Variants in MAL2 observed in about 807,000 individuals in gnomAD.
MAL2 encodes the protein protein MAL2.
In MAL2, 17 loss-of-function variants were observed where a neutral mutation model predicts 18.1. The observed-to-expected ratio is 0.94, with a 90% CI of 0.64 to 1.41. The LOEUF (loss-of-function observed/expected upper bound fraction) is 1.41, where lower values mean the gene tolerates loss of function less well. Ranked by LOEUF, MAL2 falls within the 40% of genes most tolerant of loss-of-function variation. The pLI is 0.00. For missense variants in MAL2, 222 were observed against 231.9 expected, an observed-to-expected ratio of 0.96 and a Z score of 0.28; for synonymous variants, 102 against 102.3, an observed-to-expected ratio of 1.00 and a Z score of 0.02.
chr8:119,226,624 TG>T (rs1817601709), intron 2 of MAL2, among the ~76,000 whole-genome samples: 1 of 31,670 alleles, frequency 3.2e-5, no homozygotes, highest in Non-Finnish European at 1.4e-4. Flanking sequence ...CAAGAGCACA[TG>T]AAGGCAATTA....
At chr8:119,216,367 A>G (rs1817355183) in intron 1 of MAL2, among the ~76,000 whole-genome samples, 1 of 152,230 alleles carries the variant, frequency 6.6e-6, no homozygotes, top group Non-Finnish European at 1.5e-5. Context: ...TTTCAGGTCT[A>G]ACACTTATTA....
intron 1 of MAL2, chr8:119,209,310 T>G (rs1384024819): frequency 6.6e-6 from 1 of 152,414 alleles, no homozygotes; most frequent in East Asian, 1.9e-4. Context: ...CTTTGCACCT[T>G]CTCACTTCCT....
intron 2 of MAL2, among the ~76,000 whole-genome samples, chr8:119,231,255 C>G (rs538221280): frequency 1.2e-3 from 189 of 152,186 alleles, no homozygotes; most frequent in African/African-American, 4.3e-3. Context: ...GATGGTCTCT[C>G]TCTCCTGACC....
intron 2 of MAL2, among the ~76,000 whole-genome samples, chr8:119,232,042 C>CTAAAAAATATTT (rs1256118078): frequency 6.6e-6 from 1 of 151,784 alleles, no homozygotes; most frequent in Non-Finnish European, 1.5e-5. Flanking sequence ...TTGAAAAATG[C>CTAAAAAATATTT]TAAAAAATAT....
chr8:119,238,208 A>G (rs1488754443), intron 2 of MAL2, among the ~76,000 whole-genome samples: 2 of 152,208 alleles, frequency 1.3e-5, no homozygotes, highest in African/African-American at 2.4e-5. Flanking sequence ...AGAATAAAAT[A>G]CCTAGGAATC....
At chr8:119,238,210 C>A (rs1817956382) in intron 2 of MAL2, among the ~76,000 whole-genome samples, 1 of 152,058 alleles carries the variant, frequency 6.6e-6, no homozygotes, top group South Asian at 2.1e-4. Context: ...AATAAAATAC[C>A]TAGGAATCCA....
At chr8:119,243,260 AATC>A (rs1818083198) in intron 3 of MAL2, among the ~76,000 whole-genome samples, 154 bp from the exon 4 acceptor site, 3 of 143,734 alleles carry the variant, frequency 2.1e-5, no homozygotes, top group Admixed American at 2.0e-4. Flanking sequence ...CAGTTGTACA[AATC>A]ATCAAAAAAA....
At chr8:119,213,406 G>T (rs1308743718) in intron 1 of MAL2, among the ~76,000 whole-genome samples, 1 of 152,160 alleles carries the variant, frequency 6.6e-6, no homozygotes, top group Non-Finnish European at 1.5e-5. Context: ...AAGGGACATT[G>T]CTTATTTGCA....
intron 2 of MAL2, among the ~76,000 whole-genome samples, chr8:119,222,697 G>T (rs1179535404): frequency 1.3e-5 from 2 of 151,484 alleles, no homozygotes; most frequent in African/African-American, 4.8e-5. Flanking sequence ...ACATGGTGTT[G>T]CACTCCTGTA....
intron 3 of MAL2, among the ~76,000 whole-genome samples, chr8:119,240,575 C>A (rs1818027132): frequency 6.6e-6 from 1 of 152,200 alleles, no homozygotes; most frequent in African/African-American, 2.4e-5. Context: ...GACTGCTTGG[C>A]TTTGCACAGC....
rs1401630787 is a variant in MAL2, at chr8:119,245,607, T to C, written c.*2119T>C. On this transcript the variant is annotated 3_prime_UTR_variant, in exon 4 of 4. Transcript: ENST00000614891. ...AGTGTTGGTTGGTTTTAAAATCTGG[T>C]AACTCCATGATGAAAAGAAATTTAT... The C allele has an allele frequency of 6.6e-6, 1 of 152,444 alleles. No homozygotes were observed. 9.4% of individuals were successfully genotyped at this position (152,444 alleles called of 1,614,324 possible).
chr8:119,212,001 C>A (rs1041428484), intron 1 of MAL2, among the ~76,000 whole-genome samples: 1 of 152,092 alleles, frequency 6.6e-6, no homozygotes, highest in African/African-American at 2.4e-5. Context: ...ATGTTTAAAC[C>A]CTTCCTCACC....
chr8:119,211,750 T>A (rs561251915), intron 1 of MAL2, among the ~76,000 whole-genome samples: 2 of 149,720 alleles, frequency 1.3e-5, no homozygotes, highest in African/African-American at 4.9e-5. Context: ...CACTCCTGGA[T>A]ACCTAATTGT....
At chr8:119,232,343 G>A (rs1817751448) in intron 2 of MAL2, among the ~76,000 whole-genome samples, 1 of 152,044 alleles carries the variant, frequency 6.6e-6, no homozygotes, top group South Asian at 2.1e-4. Flanking sequence ...TCATTTAACT[G>A]AAAAGAAAGA....
At chr8:119,239,304 G>A (rs1447341716) in intron 2 of MAL2, among the ~76,000 whole-genome samples, 5 of 151,958 alleles carry the variant, frequency 3.3e-5, no homozygotes, top group Non-Finnish European at 7.4e-5. Context: ...TGGAGAAATA[G>A]GAACACCTTT....
At chr8:119,232,142 TAGCC>T (rs1817745102) in intron 2 of MAL2, among the ~76,000 whole-genome samples, 1 of 152,046 alleles carries the variant, frequency 6.6e-6, no homozygotes, top group Non-Finnish European at 1.5e-5. Flanking sequence ...TAGCTCCACT[TAGCC>T]ATCCCACAAT....
intron 2 of MAL2, among the ~76,000 whole-genome samples, chr8:119,232,220 C>CAAAAT (rs1817747657): frequency 6.6e-6 from 1 of 150,522 alleles, no homozygotes; most frequent in Non-Finnish European, 1.5e-5. Context: ...GTATTTTTCT[C>CAAAAT]AATTAAAATA....
rs771470129 is a variant in MAL2 at position 119,208,580 on chromosome 8, G to T, written c.108G>T (p.Ser36=). 6 of 1,385,618 alleles carry T rather than the reference G, an allele frequency of 4.3e-6. No homozygotes were observed. In the South Asian group the frequency reaches 6.7e-5, roughly 15 times the overall value. 85.8% of individuals were successfully genotyped at this position (1,385,618 alleles called of 1,614,324 possible). ...GCCCCGACATCCTGCGGACCTACTC[G>T]GGCGCCTTCGTCTGCCTGGAGATTG... is the stretch of plus-strand genomic sequence containing the variant. ...PAGPDILRTY[S]GAFVCLEILF... is the part of the protein sequence containing the mutation. The change falls in exon 1 of 4, where the codon TCG becomes TCT. Residue 36 remains serine (S), a synonymous_variant. Coordinates refer to ENST00000614891, the MANE Select transcript of MAL2 (RefSeq NM_052886.3). This position sits in a 1 kb window ranked among gnomAD's most constrained non-coding sequence, Gnocchi z 4.3.
intron 1 of MAL2, among the ~76,000 whole-genome samples, chr8:119,210,528 A>G (rs778374795): frequency 6.6e-6 from 1 of 152,150 alleles, no homozygotes; most frequent in Non-Finnish European, 1.5e-5. Flanking sequence ...ATTAAATCAG[A>G]ATCTCTGGGG....
Sources: gnomAD v4.1 joint callset for allele counts (sites outside exome capture counted in the v4.1 genomes callset) on GRCh38, gnomAD v4.1.1 for gene constraint, Gnocchi (gnomAD v3.1) non-coding constraint, MANE v1.5 for transcripts, NCBI Gene and HGNC (gene_info 2026-07-23, HGNC 2026-07-21) for gene names.